The following TRMT2B variants were observed in gnomAD, a reference collection of about 807,000 sequenced individuals.
TRMT2B encodes tRNA (uracil-5-)-methyltransferase homolog B.
A neutral mutation model predicts 39.7 loss-of-function variants in TRMT2B; 34 were observed. That is an observed-to-expected ratio of 0.86 (90% confidence interval 0.65 to 1.14). The LOEUF (loss-of-function observed/expected upper bound fraction) is 1.14, where lower values mean the gene tolerates loss of function less well. Among genes scored for constraint, TRMT2B ranks in the 50% most tolerant of loss-of-function variants. TRMT2B has a pLI of 0.00. For missense variants in TRMT2B, 318 were observed against 377.2 expected (o/e 0.84, Z 1.30); for synonymous variants, 132 against 137.3 (o/e 0.96, Z 0.27).
chrX:100,995,700 G>A, the TRMT2B span, among the ~76,000 whole-genome samples: 2 of 111,777 alleles, frequency 1.8e-5, no homozygotes, highest in Non-Finnish European at 3.8e-5. Flanking sequence ...AAATAAGCCC[G>A]GTCCTAACAA....
At chrX:100,996,566 G>A in the TRMT2B span, among the ~76,000 whole-genome samples, 4 of 111,648 alleles carry the variant, frequency 3.6e-5, no homozygotes, top group Admixed American at 1.9e-4. Context: ...GGCCTGGATC[G>A]TTCCTCTTCC....
intron 13 of TRMT2B, among the ~76,000 whole-genome samples, chrX:101,016,466 T>C (rs1021327665): frequency 1.8e-5 from 2 of 109,266 alleles, no homozygotes; most frequent in Non-Finnish European, 3.8e-5. Context: ...GCACAAAACA[T>C]CTTTTTAAAT....
At chrX:101,017,449 G>GT (rs775542063) in intron 13 of TRMT2B, among the ~76,000 whole-genome samples, 4 of 110,308 alleles carry the variant, frequency 3.6e-5, no homozygotes, top group African/African-American at 1.3e-4. Flanking sequence ...AAATCACTTC[G>GT]TTTTTTATAC....
chrX:101,048,576 T>G (rs1419482226), intron 2 of TRMT2B, among the ~76,000 whole-genome samples: 2 of 112,396 alleles, frequency 1.8e-5, no homozygotes, highest in Non-Finnish European at 3.8e-5. Context: ...GTAGCTGGGA[T>G]TACAGGCACC....
chrX:101,000,996 C>A, the TRMT2B span, among the ~76,000 whole-genome samples: 1 of 111,171 alleles, frequency 9.0e-6, no homozygotes, highest in East Asian at 2.9e-4. Context: ...GCCCTAGCCC[C>A]AGTGTTTCTG....
chrX:101,022,616 G>A (rs2086853972), intron 8 of TRMT2B, among the ~76,000 whole-genome samples: 1 of 95,894 alleles, frequency 1.0e-5, no homozygotes. Flanking sequence ...GCGAGACTCT[G>A]TCTCAAAAAA....
intron 13 of TRMT2B, among the ~76,000 whole-genome samples, chrX:101,015,456 C>T (rs12855168): frequency 9.0e-6 from 1 of 111,392 alleles, no homozygotes; most frequent in African/African-American, 3.3e-5. Context: ...TTTTGTCAAT[C>T]TGAGGTATAA....
chrX:100,997,039 A>G, the TRMT2B span, among the ~76,000 whole-genome samples: 1 of 111,665 alleles, frequency 9.0e-6, no homozygotes, highest in African/African-American at 3.3e-5. Context: ...TATAAGTTCC[A>G]TATTTGTAAA....
At chrX:101,051,035 C>T (rs2089050950) in intron 2 of TRMT2B, among the ~76,000 whole-genome samples, 1 of 108,450 alleles carries the variant, frequency 9.2e-6, no homozygotes. Context: ...AAGCTAGACT[C>T]CGTCTCAAAC....
chrX:100,975,726 A>C, the TRMT2B span, among the ~76,000 whole-genome samples: 1 of 107,079 alleles, frequency 9.3e-6, no homozygotes, highest in Non-Finnish European at 1.9e-5. Flanking sequence ...TCCACCTCCC[A>C]GGTTCAAGCG....
In TRMT2B at chrX:101,020,530, C is replaced by T. The variant is rs201908407; in HGVS notation, c.1125G>A (p.Leu375=). The T allele has an allele frequency of 2.5e-6, 3 of 1,209,453 alleles. No homozygotes were observed. The highest frequency in any genetic ancestry group is 3.4e-6 in the Non-Finnish European group (3 of 894,778). The part of the protein sequence containing the change: ...HTSRVLGIEL[L]EQAVEDARWT... Reference sequence around the variant, plus strand: ...ATCTTGCATCCTCCACTGCCTGCTCCAACAATTCAATCCCAAGGACCCGAG... The same window carrying T: ...ATCTTGCATCCTCCACTGCCTGCTCTAACAATTCAATCCCAAGGACCCGAG... Residue 375 remains leucine, a synonymous_variant, in exon 11 of 14, where the codon TTG becomes TTA. Transcript: ENST00000372936.
At chrX:101,024,609 G>T (rs1211988261) in intron 7 of TRMT2B, among the ~76,000 whole-genome samples, 2 of 111,446 alleles carry the variant, frequency 1.8e-5, no homozygotes, top group African/African-American at 6.5e-5. Flanking sequence ...GGATCACTTT[G>T]AGGTCAGGAG....
chrX:101,003,111 C>T, the TRMT2B span, among the ~76,000 whole-genome samples: 1 of 105,558 alleles, frequency 9.5e-6, no homozygotes, highest in Admixed American at 1.0e-4. Flanking sequence ...GACATGGTCT[C>T]ACCATATTCC....
chrX:100,991,479 C>T, the TRMT2B span, among the ~76,000 whole-genome samples: 19 of 110,952 alleles, frequency 1.7e-4, no homozygotes, highest in African/African-American at 5.2e-4. Flanking sequence ...CCTGGGTTCA[C>T]GCCATTCTCC....
intron 7 of TRMT2B, among the ~76,000 whole-genome samples, chrX:101,034,283 A>G (rs951694563): frequency 2.8e-5 from 3 of 108,491 alleles, no homozygotes; most frequent in African/African-American, 1.0e-4. Context: ...CCAGGACTAT[A>G]GGCGTGCGCC....
intron 2 of TRMT2B, 37 bp downstream of exon 2, chrX:101,051,214 G>C (rs1343586228): frequency 4.2e-6 from 3 of 721,263 alleles, no homozygotes; most frequent in African/African-American, 4.7e-5. Context: ...TGTGCTCAGA[G>C]AGGTTCAAAT....
Position 101,010,378 on chromosome X carries a change from C to T in TRMT2B, c.*203G>A. The T allele has an allele frequency of 2.3e-6, 1 of 430,886 alleles. No homozygotes were observed. Among genetic ancestry groups the T allele is most frequent in the Non-Finnish European group, 4.0e-6 (1 of 250,921 alleles). 35.5% of individuals were successfully genotyped at this position (430,886 alleles called of 1,213,427 possible). On this transcript the variant is annotated 3_prime_UTR_variant, in exon 14 of 14. Transcript: ENST00000372936. ...AGTGAGCTGAGATCACGCCACGACA[C>T]TCCAGCCTGGGCAAGAGTGAGACTC...
chrX:101,023,748 T>A, intron 7 of TRMT2B, 132 bp from the exon 8 acceptor site: 1 of 550,454 alleles, frequency 1.8e-6, no homozygotes, highest in Non-Finnish European at 2.8e-6. Context: ...CCACCAGTAC[T>A]CAAAATGTGT....
intron 4 of TRMT2B, among the ~76,000 whole-genome samples, 164 bp downstream of exon 4, chrX:101,041,153 G>A (rs746154308): frequency 6.3e-5 from 7 of 111,473 alleles, no homozygotes; most frequent in Non-Finnish European, 9.4e-5. Context: ...GTAGTGAGCC[G>A]AGACTGCGCC....
Sources: allele counts gnomAD v4.1 joint callset (sites outside exome capture counted in the v4.1 genomes callset), GRCh38; gene constraint gnomAD v4.1.1; transcripts MANE v1.5; gene names NCBI Gene and HGNC (gene_info 2026-07-23, HGNC 2026-07-21).